ABLIM3: variants seen among roughly 807,000 people sequenced by gnomAD.
ABLIM3 encodes actin-binding LIM protein 3.
ABLIM3 carries 61 observed loss-of-function variants against 109.5 expected under a neutral mutation model. The ratio of observed to expected loss-of-function variants is 0.56; its 90% CI spans 0.45 to 0.69. The LOEUF (loss-of-function observed/expected upper bound fraction) is 0.69. ABLIM3 is among the 30% of genes least tolerant of loss of function. ABLIM3 has a pLI of 0.00. For missense variants in ABLIM3, 796 were observed against 889.5 expected (o/e 0.89, Z 1.34); for synonymous variants, 300 against 324.8 (o/e 0.92, Z 0.82).
chr5:149,169,849 G>T (rs575580965), intron 2 of ABLIM3, among the ~76,000 whole-genome samples: 66 of 152,126 alleles, frequency 4.3e-4, no homozygotes, highest in Non-Finnish European at 8.5e-4. Flanking sequence ...AGCATGAAGT[G>T]GTCCTGAAAT....
chr5:149,203,500 A>G (rs1233268503), intron 5 of ABLIM3, among the ~76,000 whole-genome samples: 1 of 151,936 alleles, frequency 6.6e-6, no homozygotes, highest in Admixed American at 6.6e-5. Context: ...CACCACCACC[A>G]CAATCACCAA....
intron 8 of ABLIM3, among the ~76,000 whole-genome samples, chr5:149,225,199 C>T (rs1359516963): frequency 4.6e-5 from 7 of 152,130 alleles, no homozygotes; most frequent in Admixed American, 6.5e-5. Context: ...GCGCACAATT[C>T]GGTAGCTTTT....
intron 2 of ABLIM3, among the ~76,000 whole-genome samples, chr5:149,147,338 T>G (rs1378443993): frequency 1.3e-5 from 2 of 152,182 alleles, no homozygotes; most frequent in African/African-American, 2.4e-5. Context: ...TTTTTTGTTT[T>G]TCATTCCGTT....
chr5:149,178,416 C>T (rs1424583413), intron 2 of ABLIM3, among the ~76,000 whole-genome samples: 3 of 152,206 alleles, frequency 2.0e-5, no homozygotes, highest in African/African-American at 4.8e-5. Context: ...TGATGTTTCA[C>T]CTTTCAACCA....
intron 4 of ABLIM3, chr5:149,199,170 A>C (rs1363592839): frequency 4.4e-6 from 2 of 455,146 alleles, no homozygotes; most frequent in Non-Finnish European, 8.8e-6. Flanking sequence ...AAGGAGATGA[A>C]AAAATGAAGA....
At chr5:149,255,220 A>T (rs1754326218) in intron 23 of ABLIM3, among the ~76,000 whole-genome samples, 1 of 152,230 alleles carries the variant, frequency 6.6e-6, no homozygotes, top group South Asian at 2.1e-4. Context: ...CCACCATCAC[A>T]AGCACTCGTT....
chr5:149,165,888 A>G (rs1754775859), intron 2 of ABLIM3, among the ~76,000 whole-genome samples: 1 of 152,218 alleles, frequency 6.6e-6, no homozygotes, highest in Non-Finnish European at 1.5e-5. Context: ...ATTGAATAAC[A>G]AAAATATGAG....
At chr5:149,199,443 G>C (rs1464397264) in intron 4 of ABLIM3, among the ~76,000 whole-genome samples, 1 of 152,128 alleles carries the variant, frequency 6.6e-6, no homozygotes, top group Non-Finnish European at 1.5e-5. Flanking sequence ...TAAAACCTGA[G>C]CCCTGAGCCC....
intron 2 of ABLIM3, 97 bp downstream of exon 2, chr5:149,142,205 T>A (rs926643312): frequency 6.4e-7 from 1 of 1,555,002 alleles, no homozygotes; most frequent in Admixed American, 1.7e-5. Flanking sequence ...GAAGGAAGCC[T>A]GGCATCTCTG....
At chr5:149,168,462 C>T (rs1052347158) in intron 2 of ABLIM3, among the ~76,000 whole-genome samples, 1 of 152,184 alleles carries the variant, frequency 6.6e-6, no homozygotes, top group African/African-American at 2.4e-5. Flanking sequence ...TGAGGAAAAA[C>T]ACCTTTGCCC....
At chr5:149,194,541 CA>C (rs1379478072) in intron 3 of ABLIM3, among the ~76,000 whole-genome samples, 5 of 152,332 alleles carry the variant, frequency 3.3e-5, no homozygotes, top group African/African-American at 1.2e-4. Flanking sequence ...AAATGCCCTT[CA>C]GCAGTGGAGT....
intron 7 of ABLIM3, among the ~76,000 whole-genome samples, chr5:149,211,378 C>T (rs1268633653): frequency 2.6e-5 from 4 of 152,102 alleles, no homozygotes; most frequent in Admixed American, 6.6e-5. Flanking sequence ...CCCCTGTGCA[C>T]TGGTCTTTCC....
chr5:149,189,113 T>A (rs181679297), intron 3 of ABLIM3, among the ~76,000 whole-genome samples: 5 of 152,296 alleles, frequency 3.3e-5, no homozygotes, highest in Admixed American at 1.3e-4. Context: ...AGGGGAAGAA[T>A]GGTCTTTTCA....
At position 149,252,575 on chromosome 5, in the gene ABLIM3, CT is replaced by C. The variant is rs1055531364; in HGVS notation, c.1858-178del. The C allele has an allele frequency of 1.5e-4, 88 of 598,324 alleles. No homozygotes were observed. In the Admixed American group the frequency reaches 2.5e-3, roughly 17 times the overall value. The allele number at this position is 598,324 out of a possible 1,614,324, so 37.1% of individuals were successfully genotyped here. A position where few individuals can be genotyped will look rare whatever the true frequency, so the allele number is the denominator to read the frequency against. ...ATTAGGGGACTCTCTTGGGCCTTGT[CT>C]TTTGAGAGAAGGTATCTTAAGACTG... On this transcript the variant is annotated intron_variant, in intron 22 of 23. Transcript: ENST00000309868.
chr5:149,214,191 T>C (rs1759830093), intron 7 of ABLIM3, among the ~76,000 whole-genome samples: 1 of 152,224 alleles, frequency 6.6e-6, no homozygotes, highest in South Asian at 2.1e-4. Flanking sequence ...AGTCAAGACT[T>C]TTTGGGCTGC....
intron 2 of ABLIM3, among the ~76,000 whole-genome samples, chr5:149,169,561 C>G (rs1228536110): frequency 6.6e-6 from 1 of 152,164 alleles, no homozygotes; most frequent in Non-Finnish European, 1.5e-5. Flanking sequence ...AAACAAGATT[C>G]CCTCCCCAAG....
At chr5:149,200,226 T>TG (rs1758363703) in intron 4 of ABLIM3, 90 bp from the exon 5 acceptor site, 2 of 1,085,592 alleles carry the variant, frequency 1.8e-6, no homozygotes, top group Non-Finnish European at 2.8e-6. Flanking sequence ...AAGCTGTATG[T>TG]GTTACCAAAG....
Position 149,242,474 on chromosome 5 carries a change from C to CAG in ABLIM3, c.1304-17_1304-16insAG, listed in dbSNP as rs1752952049. The CAG allele has an allele frequency of 6.2e-7, 1 of 1,613,812 alleles. No individual in the cohort carries two copies. The highest frequency in any genetic ancestry group is 1.7e-5 in the Admixed American group (1 of 60,010). The stretch of plus-strand genomic sequence containing the variant: ...CTCTCTCCCCTCCCCACTGTCCCTT[C>CAG]CTGGTCTGTCTGGCAGCTGGAGACA... On this transcript the variant is annotated splice_polypyrimidine_tract_variant and intron_variant, in intron 14 of 23. Coordinates refer to ENST00000309868, the MANE Select transcript of ABLIM3 (RefSeq NM_014945.5).
At chr5:149,253,027 T>C (rs887168866) in intron 23 of ABLIM3, among the ~76,000 whole-genome samples, 190 bp downstream of exon 23, 4 of 152,036 alleles carry the variant, frequency 2.6e-5, no homozygotes, top group Non-Finnish European at 5.9e-5. Context: ...AACTGTCCCA[T>C]GCTGTTCCCC....
Sources: allele counts gnomAD v4.1 joint callset (sites outside exome capture counted in the v4.1 genomes callset), GRCh38; gene constraint gnomAD v4.1.1; transcripts MANE v1.5; gene names NCBI Gene and HGNC (gene_info 2026-07-23, HGNC 2026-07-21).